The following OPA1 variants were observed in gnomAD, a reference collection of about 807,000 sequenced individuals.
The protein encoded by OPA1 is dynamin-like GTPase OPA1, mitochondrial.
OPA1 carries 59 observed loss-of-function variants against 152.9 expected under a neutral mutation model. That is an observed-to-expected ratio of 0.39 (90% CI 0.31 to 0.48). OPA1 has a LOEUF of 0.48. OPA1 is among the 20% of genes least tolerant of loss of function. The pLI, the probability that OPA1 is intolerant of heterozygous loss-of-function variation, is 0.96. For synonymous variants in OPA1, 400 were observed against 389.9 expected (o/e 1.03, Z -0.31); for missense variants, 1,008 against 1,216.8 (o/e 0.83, Z 2.55).
intron 7 of OPA1, among the ~76,000 whole-genome samples, chr3:193,630,972 C>A (rs1731986041): frequency 6.6e-6 from 1 of 152,036 alleles, no homozygotes; most frequent in African/African-American, 2.4e-5. Context: ...CTTTACTTGG[C>A]TTCATTGCTA....
At chr3:193,613,743 A>G (rs1481158705) in intron 1 of OPA1, among the ~76,000 whole-genome samples, 2 of 151,776 alleles carry the variant, frequency 1.3e-5, no homozygotes, top group African/African-American at 2.4e-5. Context: ...ACACTCAGCT[A>G]ATTTTTGTAT....
rs758901451 is a variant in OPA1, at chr3:193,617,263, A to G, written c.534A>G (p.Leu178=). The part of the protein sequence containing the change: ...DFDKIVESLS[L]LKDFFTSGHK... ...ACAAGATTGTTGAAAGCCTTAGCTT[A>G]TTGAAGGACTTTTTTACCTCAGGTA... Residue 178 remains leucine, a synonymous_variant, in exon 4 of 31, where the codon TTA becomes TTG. Coordinates refer to ENST00000361510, the MANE Select transcript of OPA1 (RefSeq NM_130837.3). 1.6e-5 allele frequency: 25 copies of G among 1,610,972 alleles called. No homozygotes were observed. The highest frequency in any genetic ancestry group is 2.7e-5 in the African/African-American group (2 of 74,858).
rs182590890 is a variant in OPA1 at position 193,662,491 on chromosome 3, C to T, written c.2521-331C>T. On this transcript the variant is annotated intron_variant, in intron 25 of 30. Transcript: ENST00000361510. Reference sequence around the variant, plus strand: ...TTTCCTAGATTCAAATTATACCCTACGGTCAAGAAAGAAAGAAAATACATG... The same window carrying T: ...TTTCCTAGATTCAAATTATACCCTATGGTCAAGAAAGAAAGAAAATACATG... Among the ~76,000 whole-genome samples the T allele has an allele frequency of 7.9e-5, 12 of 152,198 alleles. No individual in the cohort carries two copies. The South Asian group carries it at 1.5e-3, about 18-fold the overall frequency.
At chr3:193,627,604 C>T (rs1731366731) in intron 7 of OPA1, among the ~76,000 whole-genome samples, 2 of 152,158 alleles carry the variant, frequency 1.3e-5, no homozygotes, top group Non-Finnish European at 1.5e-5. Flanking sequence ...AAGTTTTTTT[C>T]GTAAGACAAC....
At chr3:193,657,564 T>C (rs1274180088) in intron 23 of OPA1, among the ~76,000 whole-genome samples, 2 of 152,256 alleles carry the variant, frequency 1.3e-5, no homozygotes, top group East Asian at 3.8e-4. Flanking sequence ...TCTGTGATAA[T>C]GAAAGGAACT....
In OPA1 at chr3:193,644,051, A is replaced by G. The variant is rs764645111; in HGVS notation, c.1554A>G (p.Ile518Met). ...TGGACCCTCATGGAAGGAGAACCAT[A>G]TTCGTTTTGACCAAAGTAGACCTGG... ...SQMDPHGRRT[I>M]FVLTKVDLAE... The change falls in exon 16 of 31, where the codon ATA becomes ATG. Residue 518 changes from isoleucine to methionine, a missense_variant. Ile to Met is a conservative substitution (Grantham distance 10). Around this residue, in one of 7 missense-constraint regions of OPA1, gnomAD observed 213 missense variants for 291.4 expected, o/e 0.73. Transcript: ENST00000361510. 3.1e-6 allele frequency: 5 copies of G among 1,613,908 alleles called. No individual in the cohort carries two copies. In the South Asian group the frequency reaches 4.4e-5, roughly 14 times the overall value.
intron 29 of OPA1, chr3:193,668,840 G>T: frequency 3.7e-6 from 4 of 1,093,066 alleles, no homozygotes; most frequent in Non-Finnish European, 3.4e-6. Flanking sequence ...AGATAGGATT[G>T]CATACTAAAA....
chr3:193,657,534 A>G (rs1275646118), intron 23 of OPA1, among the ~76,000 whole-genome samples: 2 of 152,230 alleles, frequency 1.3e-5, no homozygotes, highest in East Asian at 3.8e-4. Flanking sequence ...GTCTGTAGAT[A>G]GGTGCTTCTA....
chr3:193,618,199 C>T (rs1432002536), intron 5 of OPA1, among the ~76,000 whole-genome samples: 1 of 152,086 alleles, frequency 6.6e-6, no homozygotes, highest in African/African-American at 2.4e-5. Context: ...TGTTTTCCGG[C>T]CGGGCGCGGT....
chr3:193,684,917 ATG>A (rs1720726428), intron 29 of OPA1, among the ~76,000 whole-genome samples: 1 of 152,236 alleles, frequency 6.6e-6, no homozygotes, highest in Non-Finnish European at 1.5e-5. Context: ...GCCTTAAAAT[ATG>A]TAGAAAGTAT....
chr3:193,599,938 C>G (rs1433438588), intron 1 of OPA1, among the ~76,000 whole-genome samples: 1 of 152,198 alleles, frequency 6.6e-6, no homozygotes, highest in Non-Finnish European at 1.5e-5. Context: ...TTGGTTACAG[C>G]TCGGCGTTTG....
rs570584176 is a variant in OPA1, at chr3:193,621,402, C to T, written c.678+2466C>T. 3.9e-5 allele frequency among the ~76,000 whole-genome samples: 6 copies of T among 152,264 alleles called. No individual in the cohort carries two copies. The South Asian group carries it at 1.2e-3, about 32-fold the overall frequency. Reference sequence around the variant, plus strand: ...GAACCGATAACCTGTGATTCCCAGCCTGGGGTTACTACTGGAGTTTTAGGT... The same window carrying T: ...GAACCGATAACCTGTGATTCCCAGCTTGGGGTTACTACTGGAGTTTTAGGT... On this transcript the variant is annotated intron_variant, in intron 6 of 30. Transcript: ENST00000361510.
At chr3:193,622,591 G>A (rs1001967089) in intron 6 of OPA1, among the ~76,000 whole-genome samples, 5 of 151,842 alleles carry the variant, frequency 3.3e-5, no homozygotes, top group Admixed American at 6.6e-5. Context: ...TTTTTCCCGC[G>A]TGTTTAGTGT....
chr3:193,643,950 A>G (rs779262340), intron 15 of OPA1, 25 bp from the exon 16 acceptor site: 3 of 1,611,876 alleles, frequency 1.9e-6, no homozygotes, highest in East Asian at 2.2e-5. Flanking sequence ...AAAATTCCAC[A>G]GTGTCATTTT....
chr3:193,606,627 TG>T (rs1395262190), intron 1 of OPA1, among the ~76,000 whole-genome samples: 1 of 152,348 alleles, frequency 6.6e-6, no homozygotes, highest in South Asian at 2.1e-4. Flanking sequence ...TAGTATTCCA[TG>T]GTGTATATAT....
In OPA1 at chr3:193,618,943, G is replaced by A. The variant is rs1729523989; in HGVS notation, c.678+7G>A. The A allele has an allele frequency of 6.2e-7, 1 of 1,608,902 alleles. No homozygotes were observed. The highest frequency in any genetic ancestry group is 8.5e-7 in the Non-Finnish European group (1 of 1,175,270). The stretch of plus-strand genomic sequence containing the variant: ...TGACAAGCATTTTAGAAAGGTAAGT[G>A]TAAAAGAGAATTGTTCATGTAGGTA... On this transcript the variant is annotated splice_region_variant and intron_variant, in intron 6 of 30. Coordinates refer to ENST00000361510, the MANE Select transcript of OPA1 (RefSeq NM_130837.3).
At chr3:193,658,658 T>A (rs1206299269) in intron 23 of OPA1, among the ~76,000 whole-genome samples, 3 of 152,214 alleles carry the variant, frequency 2.0e-5, no homozygotes, top group Non-Finnish European at 4.4e-5. Context: ...GGTTAGCTTG[T>A]TTAATTTGGG....
intron 25 of OPA1, 91 bp downstream of exon 25, chr3:193,659,652 C>T (rs144898176): frequency 0.014 from 12,546 of 898,166 alleles, 128 homozygotes; most frequent in Non-Finnish European, 0.015. Context: ...TGGCTCTAGA[C>T]CAGTCTCAGG....
At chr3:193,646,518 T>C (rs1734641814) in intron 18 of OPA1, 1 of 152,664 alleles carries the variant, frequency 6.6e-6, no homozygotes, top group Middle Eastern at 3.4e-3. Context: ...CCCAGTACTT[T>C]GAGAGGCCAA....
Sources: allele counts gnomAD v4.1 joint callset (sites outside exome capture counted in the v4.1 genomes callset), GRCh38; gene constraint gnomAD v4.1.1; regional missense constraint gnomAD v4.1.1; transcripts MANE v1.5; gene names NCBI Gene and HGNC (gene_info 2026-07-23, HGNC 2026-07-21).